The following SYTL3 variants were observed in gnomAD, a reference collection of about 807,000 sequenced individuals.
SYTL3 encodes synaptotagmin-like protein 3.
In SYTL3, 88 loss-of-function variants were observed where a neutral mutation model predicts 82.1. That is an observed-to-expected ratio of 1.07 (90% CI 0.90 to 1.28). The LOEUF is 1.28. SYTL3 is among the 50% of genes most tolerant of loss of function. The pLI, the probability that SYTL3 is intolerant of heterozygous loss-of-function variation, is 0.00. For synonymous variants in SYTL3, 311 were observed against 289.4 expected, an observed-to-expected ratio of 1.07 and a Z score of -0.76; for missense variants, 831 against 757.6, an observed-to-expected ratio of 1.10 and a Z score of -1.14.
At position 158,667,192 on chromosome 6, in the gene SYTL3, A is replaced by AG. The variant is rs1164178257; in HGVS notation, c.329+1580dup. On this transcript the variant is annotated intron_variant, in intron 5 of 17. Transcript: ENST00000611299. ...GAACTGTAAACGAAAAATCAAAACA[A>AG]GAGGACAAGGTCTGAGGCAATCTCC... 2.0e-5 allele frequency among the ~76,000 whole-genome samples: 3 copies of AG among 152,306 alleles called. No individual in the cohort carries two copies. The East Asian group carries it at 5.8e-4, about 29-fold the overall frequency.
At chr6:158,678,168 A>G (rs1185065313) in intron 5 of SYTL3, among the ~76,000 whole-genome samples, 5 of 152,144 alleles carry the variant, frequency 3.3e-5, no homozygotes, top group Non-Finnish European at 7.4e-5. Flanking sequence ...TGTCCCACCA[A>G]TGCGACTTCT....
chr6:158,707,185 G>A (rs762577027), intron 6 of SYTL3, 45 bp from the exon 7 acceptor site: 11 of 1,570,528 alleles, frequency 7.0e-6, no homozygotes, highest in East Asian at 2.2e-5. Flanking sequence ...CATTAGCTAA[G>A]TGCTATTCTT....
In SYTL3 at chr6:158,708,393, TA is replaced by T; in HGVS notation, c.516+4del. On this transcript the variant is annotated splice_donor_region_variant and intron_variant, in intron 8 of 17. Coordinates refer to ENST00000611299, the MANE Select transcript of SYTL3 (RefSeq NM_001242394.2). ...CAGTGCAGCCGCAGTCCTGGCAGGG[TA>T]ACGTATCCATTCTGGGCACTTCTCT... is the stretch of plus-strand genomic sequence containing the variant. 6.2e-7 allele frequency: 1 copy of T among 1,613,842 alleles called. No individual in the cohort carries two copies. The highest frequency in any genetic ancestry group is 8.5e-7 in the Non-Finnish European group (1 of 1,179,774).
intron 6 of SYTL3, among the ~76,000 whole-genome samples, chr6:158,691,727 C>G (rs1207379920): frequency 1.3e-5 from 2 of 151,522 alleles, no homozygotes; most frequent in East Asian, 4.0e-4. Flanking sequence ...TCTCGGCTCT[C>G]TGCAAGCTCC....
At chr6:158,656,451 T>C (rs997254742) in intron 2 of SYTL3, among the ~76,000 whole-genome samples, 3 of 152,094 alleles carry the variant, frequency 2.0e-5, no homozygotes, top group Non-Finnish European at 4.4e-5. Flanking sequence ...CTTGGCCGGG[T>C]GCGATGGCTC....
intron 5 of SYTL3, among the ~76,000 whole-genome samples, chr6:158,677,005 TC>T (rs1778115367): frequency 6.6e-6 from 1 of 152,180 alleles, no homozygotes; most frequent in South Asian, 2.1e-4. Flanking sequence ...TGGCGATTCC[TC>T]AAGGATCTAG....
Position 158,703,831 on chromosome 6 carries a change from T to C in SYTL3, c.395-3399T>C, listed in dbSNP as rs1236524920. 5.4e-5 allele frequency among the ~76,000 whole-genome samples: 8 copies of C among 148,188 alleles called. No individual in the cohort carries two copies. The East Asian group carries it at 1.4e-3, about 25-fold the overall frequency. ...GGTTTTATATTATTATCATTATTAT[T>C]ATTATTATTATTATTATTATTATTT... On this transcript the variant is annotated intron_variant, in intron 6 of 17. Coordinates refer to ENST00000611299, the MANE Select transcript of SYTL3 (RefSeq NM_001242394.2).
intron 15 of SYTL3, among the ~76,000 whole-genome samples, chr6:158,761,157 T>C (rs1789865556): frequency 6.6e-6 from 1 of 152,094 alleles, no homozygotes; most frequent in South Asian, 2.1e-4. Flanking sequence ...GGGTAGCTGC[T>C]GCCCAGCAAA....
At chr6:158,703,789 C>T (rs1282331611) in intron 6 of SYTL3, among the ~76,000 whole-genome samples, 1 of 149,940 alleles carries the variant, frequency 6.7e-6, no homozygotes, top group Non-Finnish European at 1.5e-5. Context: ...TTTCATATGT[C>T]CTGTGAACTA....
intron 8 of SYTL3, among the ~76,000 whole-genome samples, chr6:158,711,537 T>C (rs888085671): frequency 1.3e-5 from 2 of 152,112 alleles, no homozygotes; most frequent in Admixed American, 1.3e-4. Context: ...GCTGATGGTG[T>C]TGTTACAGGA....
At chr6:158,762,840 T>A (rs573012904) in intron 16 of SYTL3, among the ~76,000 whole-genome samples, 2 of 152,076 alleles carry the variant, frequency 1.3e-5, no homozygotes, top group African/African-American at 4.8e-5. Flanking sequence ...TTCCTTGAAC[T>A]TGGGGGGAGG....
chr6:158,749,507 C>CTCTTTTTT (rs1554264331), intron 12 of SYTL3, among the ~76,000 whole-genome samples: 1 of 66,024 alleles, frequency 1.5e-5, no homozygotes, highest in African/African-American at 6.4e-5. Context: ...TTCTTTCTCT[C>CTCTTTTTT]TTTTTTTTTT....
chr6:158,689,965 C>G (rs979546573), intron 6 of SYTL3, among the ~76,000 whole-genome samples: 2 of 152,196 alleles, frequency 1.3e-5, no homozygotes, highest in African/African-American at 4.8e-5. Flanking sequence ...TTACAATCAT[C>G]AGGAGGCCCT....
intron 6 of SYTL3, among the ~76,000 whole-genome samples, chr6:158,696,030 T>C (rs1780520149): frequency 6.6e-6 from 1 of 152,222 alleles, no homozygotes; most frequent in African/African-American, 2.4e-5. Flanking sequence ...TTTAAATCCT[T>C]TTGTGTTTAT....
At chr6:158,701,525 G>T (rs1360441182) in intron 6 of SYTL3, among the ~76,000 whole-genome samples, 2 of 145,926 alleles carry the variant, frequency 1.4e-5, no homozygotes, top group Non-Finnish European at 3.0e-5. Flanking sequence ...GTGTGAGCTG[G>T]GGTGTAGATG....
chr6:158,678,036 T>C (rs946182264), intron 5 of SYTL3, among the ~76,000 whole-genome samples: 1 of 152,160 alleles, frequency 6.6e-6, no homozygotes, highest in African/African-American at 2.4e-5. Flanking sequence ...ACTACTGGCG[T>C]GCACCACCAT....
At chr6:158,694,292 A>G (rs376100365) in intron 6 of SYTL3, among the ~76,000 whole-genome samples, 1 of 151,240 alleles carries the variant, frequency 6.6e-6, no homozygotes, top group Non-Finnish European at 1.5e-5. Flanking sequence ...TCTTGATTTT[A>G]TTCTTTTTTT....
upstream of SYTL3, among the ~76,000 whole-genome samples, chr6:158,646,116 C>G (rs537167209): frequency 6.8e-4 from 103 of 152,306 alleles, no homozygotes; most frequent in South Asian, 0.017. Context: ...AATAGCTACA[C>G]AATTAACATT....
intron 12 of SYTL3, among the ~76,000 whole-genome samples, chr6:158,750,859 G>A (rs1004664958): frequency 6.6e-5 from 10 of 152,068 alleles, no homozygotes; most frequent in Admixed American, 2.6e-4. Flanking sequence ...GCAGTGGCGC[G>A]ATCTCGGCTC....
Sources: gnomAD v4.1 joint callset for allele counts (sites outside exome capture counted in the v4.1 genomes callset) on GRCh38, gnomAD v4.1.1 for gene constraint, MANE v1.5 for transcripts, NCBI Gene and HGNC (gene_info 2026-07-23, HGNC 2026-07-21) for gene names.